Variants in SEC11A observed in about 807,000 individuals in gnomAD.
SEC11A encodes SEC11 homolog A, signal peptidase complex subunit.
A neutral mutation model predicts 25.6 loss-of-function variants in SEC11A; 14 were observed. The ratio of observed to expected loss-of-function variants is 0.55; its 90% CI spans 0.36 to 0.85. The LOEUF is 0.85. SEC11A is among the 40% of genes least tolerant of loss of function. The pLI, the probability that SEC11A is intolerant of heterozygous loss-of-function variation, is 0.01. For missense variants in SEC11A, 153 were observed against 222.9 expected (o/e 0.69, Z 2.00); for synonymous variants, 83 against 76.4 (o/e 1.09, Z -0.45).
chr15:84,705,907 G>A (rs1227355248), intron 1 of SEC11A, among the ~76,000 whole-genome samples: 1 of 151,392 alleles, frequency 6.6e-6, no homozygotes, highest in Non-Finnish European at 1.5e-5. Context: ...TGATTTAAAG[G>A]TTTTATTTAT....
chr15:84,673,158 C>T (rs1396124761), intron 4 of SEC11A: 7 of 167,110 alleles, frequency 4.2e-5, no homozygotes, highest in East Asian at 1.9e-4. Flanking sequence ...CCAGGCCAGC[C>T]GCCCCGTCCG....
At chr15:84,675,386 GA>G (rs1302325579) in intron 4 of SEC11A, among the ~76,000 whole-genome samples, 1 of 152,064 alleles carries the variant, frequency 6.6e-6, no homozygotes, top group Non-Finnish European at 1.5e-5. Context: ...AAACAGTAAA[GA>G]AAAGATGCCA....
At position 84,691,630 on chromosome 15, in the gene SEC11A, G is replaced by A; in HGVS notation, c.66C>T (p.Val22=). 6.2e-7 allele frequency: 1 copy of A among 1,605,376 alleles called. No homozygotes were observed. Among genetic ancestry groups the A allele is most frequent in the Non-Finnish European group, 8.5e-7 (1 of 1,172,318 alleles). The change falls in exon 2 of 6, where the codon GTC becomes GTT. Residue 22 remains valine (V), a synonymous_variant. Transcript: ENST00000268220. ...ATGAGACAATCATTCCAAAATTTAG[G>A]ACTTGATAATAGAGCTGCAAGAACA... The part of the protein sequence containing the change: ...RMNKRQLYYQ[V]LNFGMIVSSA...
chr15:84,690,696 G>C (rs977631565), intron 2 of SEC11A, among the ~76,000 whole-genome samples: 1 of 152,088 alleles, frequency 6.6e-6, no homozygotes, highest in Non-Finnish European at 1.5e-5. Context: ...AGTACTATTT[G>C]TCACCATAAG....
intron 4 of SEC11A, among the ~76,000 whole-genome samples, chr15:84,677,072 T>C (rs575236107): frequency 1.3e-5 from 2 of 151,780 alleles, no homozygotes; most frequent in South Asian, 2.1e-4. Context: ...GCCTGGGTGA[T>C]AGAGTGAGAC....
chr15:84,680,598 T>C (rs1030972320), intron 4 of SEC11A, 115 bp downstream of exon 4: 15 of 1,118,968 alleles, frequency 1.3e-5, no homozygotes, highest in Non-Finnish European at 1.8e-5. Flanking sequence ...CAAGGGTGAT[T>C]TGGTGGAACC....
At chr15:84,705,908 TTTTA>T (rs1175683193) in intron 1 of SEC11A, among the ~76,000 whole-genome samples, 1 of 151,240 alleles carries the variant, frequency 6.6e-6, no homozygotes, top group African/African-American at 2.4e-5. Context: ...GATTTAAAGG[TTTTA>T]TTTATTTATT....
intron 1 of SEC11A, among the ~76,000 whole-genome samples, chr15:84,693,741 G>A (rs888080930): frequency 2.0e-5 from 3 of 152,118 alleles, no homozygotes; most frequent in Non-Finnish European, 4.4e-5. Flanking sequence ...GATGACAGAT[G>A]TGAGCCACTG....
rs771347887 is a variant in SEC11A at position 84,687,721 on chromosome 15, C to T, written c.215G>A (p.Arg72Gln). 2 of 1,602,386 alleles carry T rather than the reference C, an allele frequency of 1.2e-6. No individual in the cohort carries two copies. The highest frequency in any genetic ancestry group is 1.8e-5 in the Admixed American group (1 of 56,190). Residue 72 changes from arginine to glutamine, a missense_variant, in exon 3 of 6, where the codon CGA (arginine) becomes CAA (glutamine). Coordinates refer to ENST00000268220, the MANE Select transcript of SEC11A (RefSeq NM_014300.4). ...HRGDLLFLTN[R>Q]VEDPIRVGEI... ...TCCCACTCGTATGGGATCTTCAACT[C>T]GATTTGTTAGAAAGAGAAGATCTCC...
chr15:84,701,939 C>A (rs890846279), intron 1 of SEC11A, among the ~76,000 whole-genome samples: 1 of 151,302 alleles, frequency 6.6e-6, no homozygotes, highest in East Asian at 2.0e-4. Flanking sequence ...TGGTGGCGTG[C>A]GGCTGTAGTC....
At chr15:84,696,033 A>G (rs1897758889) in intron 1 of SEC11A, among the ~76,000 whole-genome samples, 1 of 152,246 alleles carries the variant, frequency 6.6e-6, no homozygotes, top group Non-Finnish European at 1.5e-5. Flanking sequence ...GGTGTACTCA[A>G]TCAATGTAAT....
intron 4 of SEC11A, chr15:84,672,949 G>A (rs920045065): frequency 4.0e-5 from 9 of 225,804 alleles, no homozygotes; most frequent in African/African-American, 1.7e-4. Flanking sequence ...GTCTCTGCCC[G>A]GCCGCCCCGT....
At chr15:84,698,824 T>C (rs1897839881) in intron 1 of SEC11A, among the ~76,000 whole-genome samples, 2 of 152,166 alleles carry the variant, frequency 1.3e-5, no homozygotes, top group South Asian at 4.1e-4. Flanking sequence ...ATTTCAGATT[T>C]GGGATGTTCA....
intron 1 of SEC11A, among the ~76,000 whole-genome samples, chr15:84,700,848 C>A (rs1325165301): frequency 6.6e-6 from 1 of 151,018 alleles, no homozygotes; most frequent in Non-Finnish European, 1.5e-5. Flanking sequence ...GGCGTGGTGG[C>A]GCATGCCTGT....
intron 1 of SEC11A, among the ~76,000 whole-genome samples, chr15:84,708,472 A>T (rs1260701776): frequency 6.6e-6 from 1 of 152,134 alleles, no homozygotes; most frequent in Non-Finnish European, 1.5e-5. Context: ...TATTTGCTTC[A>T]CATTTATTCC....
chr15:84,678,069 C>A (rs971535029), intron 4 of SEC11A, among the ~76,000 whole-genome samples: 1 of 152,076 alleles, frequency 6.6e-6, no homozygotes, highest in Non-Finnish European at 1.5e-5. Flanking sequence ...TTGTGGCACA[C>A]ACCTGTAATC....
At chr15:84,702,100 AG>A (rs1187545666) in intron 1 of SEC11A, among the ~76,000 whole-genome samples, 7 of 151,620 alleles carry the variant, frequency 4.6e-5, no homozygotes, top group Admixed American at 1.3e-4. Context: ...AATAATAGGG[AG>A]GTAAGTTCAT....
chr15:84,708,087 T>A (rs975874323), intron 1 of SEC11A, among the ~76,000 whole-genome samples: 1 of 151,236 alleles, frequency 6.6e-6, no homozygotes, highest in Non-Finnish European at 1.5e-5. Flanking sequence ...GGCACACGCC[T>A]GTAATCCCAG....
At chr15:84,699,685 G>C (rs894345946) in intron 1 of SEC11A, among the ~76,000 whole-genome samples, 3 of 152,118 alleles carry the variant, frequency 2.0e-5, no homozygotes, top group Admixed American at 1.3e-4. Flanking sequence ...AGCTCTTAGG[G>C]AGGCAGAGGC....
Sources: allele counts gnomAD v4.1 joint callset (sites outside exome capture counted in the v4.1 genomes callset), GRCh38; gene constraint gnomAD v4.1.1; transcripts MANE v1.5; gene names NCBI Gene and HGNC (gene_info 2026-07-23, HGNC 2026-07-21).